The following CCDC63 variants were observed in gnomAD, a reference collection of about 807,000 sequenced individuals.
CCDC63 encodes coiled-coil domain-containing protein 63.
CCDC63 carries 54 observed loss-of-function variants against 63.6 expected under a neutral mutation model. The observed-to-expected ratio is 0.85, with a 90% CI of 0.68 to 1.07. The LOEUF (loss-of-function observed/expected upper bound fraction) is 1.07, where lower values mean the gene tolerates loss of function less well. CCDC63 is among the 50% of genes least tolerant of loss of function. The pLI is 0.00. For synonymous variants in CCDC63, 253 were observed against 266.1 expected, an observed-to-expected ratio of 0.95 and a Z score of 0.48; for missense variants, 637 against 689.6, an observed-to-expected ratio of 0.92 and a Z score of 0.86.
intron 1 of CCDC63, among the ~76,000 whole-genome samples, chr12:110,850,796 T>A (rs983873613): frequency 1.3e-5 from 2 of 152,154 alleles, no homozygotes; most frequent in African/African-American, 2.4e-5. Flanking sequence ...CTTTTACAGA[T>A]CTCTTTGCTA....
chr12:110,895,254 C>T (rs1592784807), intron 9 of CCDC63, among the ~76,000 whole-genome samples: 1 of 152,196 alleles, frequency 6.6e-6, no homozygotes. Flanking sequence ...GCTGGGATTA[C>T]AGGCACGTGC....
chr12:110,856,844 C>CTTTTTTT (rs34855503), intron 3 of CCDC63, among the ~76,000 whole-genome samples: 5 of 115,546 alleles, frequency 4.3e-5, no homozygotes, highest in African/African-American at 6.0e-5. Flanking sequence ...CCTTTCCTTT[C>CTTTTTTT]TTTTTTTTTT....
chr12:110,873,961 C>T lies in CCDC63; in HGVS notation c.489C>T (p.Leu163=), dbSNP rs774589498. Residue 163 remains leucine (L), a splice_region_variant and synonymous_variant, in exon 5 of 12, where the codon CTC becomes CTT. Transcript: ENST00000308208. The part of the protein sequence containing the change: ...QIHILETRLN[L]VTVHFDKMLT... ...ACATTTTGGAAACCCGTTTGAATCT[C>T]GTATGTAAAGTGTTCTCTGCAGCTC... The T allele has an allele frequency of 1.2e-5, 19 of 1,610,494 alleles. No homozygotes were observed. In the Admixed American group the frequency reaches 1.5e-4, roughly 13 times the overall value.
chr12:110,881,746 T>C (rs2071212369), intron 7 of CCDC63, among the ~76,000 whole-genome samples: 1 of 152,068 alleles, frequency 6.6e-6, no homozygotes, highest in Non-Finnish European at 1.5e-5. Context: ...TAAATTTAAA[T>C]ATCAAATAAA....
intron 10 of CCDC63, among the ~76,000 whole-genome samples, chr12:110,901,067 ATG>A (rs980280867): frequency 1.3e-5 from 2 of 152,336 alleles, no homozygotes; most frequent in African/African-American, 4.8e-5. Flanking sequence ...TGGCAAAGCA[ATG>A]TGTTAGTGTG....
At chr12:110,853,309 C>T in intron 2 of CCDC63, 96 bp from the exon 3 acceptor site, 1 of 1,261,300 alleles carries the variant, frequency 7.9e-7, no homozygotes, top group Non-Finnish European at 1.1e-6. Context: ...AGCCATGGCC[C>T]AGCCACCCCC....
chr12:110,883,328 A>G lies in CCDC63; in HGVS notation c.854-702A>G, dbSNP rs575085422. ...TGGGATTACAGGCGGGAGCCACTGC[A>G]CCCGGCCTAATTTTAAAAATTTTTT... is the stretch of plus-strand genomic sequence containing the variant. On this transcript the variant is annotated intron_variant, in intron 7 of 11. Transcript: ENST00000308208. Among the ~76,000 whole-genome samples, 115 of 152,030 alleles carry G rather than the reference A, an allele frequency of 7.6e-4. 1 individual carries two copies. The highest frequency in any genetic ancestry group is 7.1e-3 in the Admixed American group (109 of 15,270).
At chr12:110,904,864 C>T (rs1176793103) in intron 11 of CCDC63, 73 bp downstream of exon 11, 3 of 1,266,296 alleles carry the variant, frequency 2.4e-6, no homozygotes, top group Admixed American at 4.7e-5. Context: ...AGACCGTGTC[C>T]AGGTGCCCGA....
intron 9 of CCDC63, among the ~76,000 whole-genome samples, chr12:110,895,404 T>C (rs1418580390): frequency 1.3e-5 from 2 of 152,224 alleles, no homozygotes; most frequent in African/African-American, 4.8e-5. Context: ...CGTGAGTCAC[T>C]GTGCCTGGCC....
chr12:110,872,353 C>G (rs2071078516), intron 4 of CCDC63, among the ~76,000 whole-genome samples: 1 of 152,224 alleles, frequency 6.6e-6, no homozygotes, highest in Admixed American at 6.5e-5. Flanking sequence ...GGCCTAAAAA[C>G]TGCAGTGAGA....
intron 5 of CCDC63, among the ~76,000 whole-genome samples, chr12:110,874,167 C>T (rs576322257): frequency 4.0e-5 from 6 of 151,656 alleles, no homozygotes; most frequent in African/African-American, 9.7e-5. Flanking sequence ...AACCCTTACC[C>T]GAATCCCCCA....
Position 110,858,722 on chromosome 12 carries a change from T to C in CCDC63, c.316T>C (p.Tyr106His), listed in dbSNP as rs764967300. 1 of 1,614,098 alleles carries C rather than the reference T, an allele frequency of 6.2e-7. No homozygotes were observed. The highest frequency in any genetic ancestry group is 8.5e-7 in the Non-Finnish European group (1 of 1,180,026). ...LRLLLQTKED[Y>H]EALIKSLKVL... ...ACTCCTGCTCCAAACTAAGGAGGAC[T>C]ATGAGGCATTGATTAAATCCCTGAA... Residue 106 changes from tyrosine to histidine, a missense_variant, in exon 4 of 12, where the codon TAT becomes CAT. By Grantham distance (83) the Tyr-to-His change is moderately conservative. Transcript: ENST00000308208.
At chr12:110,902,127 G>A (rs542832437) in intron 10 of CCDC63, among the ~76,000 whole-genome samples, 16 of 152,116 alleles carry the variant, frequency 1.1e-4, no homozygotes, top group African/African-American at 3.1e-4. Context: ...CACCACGCCC[G>A]GCCACCACAT....
chr12:110,900,600 CTTT>C (rs745415057), intron 10 of CCDC63, among the ~76,000 whole-genome samples: 1 of 137,350 alleles, frequency 7.3e-6, no homozygotes, highest in Non-Finnish European at 1.6e-5. Flanking sequence ...ACCTCAGATT[CTTT>C]TTTTTTTTTT....
intron 11 of CCDC63, among the ~76,000 whole-genome samples, chr12:110,906,693 G>A (rs2071590495): frequency 6.6e-6 from 1 of 152,012 alleles, no homozygotes; most frequent in African/African-American, 2.4e-5. Flanking sequence ...GAGATCCTGT[G>A]TGTTTCAGCT....
At chr12:110,851,637 C>G (rs1211697678) in intron 1 of CCDC63, among the ~76,000 whole-genome samples, 1 of 152,098 alleles carries the variant, frequency 6.6e-6, no homozygotes, top group African/African-American at 2.4e-5. Flanking sequence ...GAAGGTGTGG[C>G]TTCCCATGGG....
chr12:110,859,428 A>G (rs1475531133), intron 4 of CCDC63, among the ~76,000 whole-genome samples: 2 of 151,864 alleles, frequency 1.3e-5, no homozygotes, highest in East Asian at 3.9e-4. Flanking sequence ...TGCCTCAGCC[A>G]CCTGAGTAGC....
At position 110,858,787 on chromosome 12, in the gene CCDC63, C is replaced by A. The variant is rs1295976980; in HGVS notation, c.369+12C>A. On this transcript the variant is annotated intron_variant, in intron 4 of 11. Coordinates refer to ENST00000308208, the MANE Select transcript of CCDC63 (RefSeq NM_152591.3). ...AACTGGATGAGAAGGTGTGGTCTTT[C>A]TCTTAAAGGGTTAACCAGAACACAG... is the stretch of plus-strand genomic sequence containing the variant. The A allele has an allele frequency of 3.7e-6, 6 of 1,609,784 alleles. No individual in the cohort carries two copies. The highest frequency in any genetic ancestry group is 5.1e-6 in the Non-Finnish European group (6 of 1,177,800).
chr12:110,852,362 C>A (rs938957315), intron 1 of CCDC63, among the ~76,000 whole-genome samples: 1 of 152,088 alleles, frequency 6.6e-6, no homozygotes, highest in Non-Finnish European at 1.5e-5. Flanking sequence ...AGGGTTCAAG[C>A]AATTCTCCTG....
Sources: gnomAD v4.1 joint callset for allele counts (sites outside exome capture counted in the v4.1 genomes callset) on GRCh38, gnomAD v4.1.1 for gene constraint, MANE v1.5 for transcripts, NCBI Gene and HGNC (gene_info 2026-07-23, HGNC 2026-07-21) for gene names.